The following CDH18 variants were observed in gnomAD, a reference collection of about 807,000 sequenced individuals.
The protein encoded by CDH18 is cadherin 18.
In CDH18, 31 loss-of-function variants were observed where a neutral mutation model predicts 67.9. That is an observed-to-expected ratio of 0.46 (90% confidence interval 0.34 to 0.62). The LOEUF (loss-of-function observed/expected upper bound fraction) is 0.62. Among genes scored for constraint, CDH18 ranks in the 20% least tolerant of loss-of-function variants. The pLI, the probability that CDH18 is intolerant of heterozygous loss-of-function variation, is 0.01. For synonymous variants in CDH18, 362 were observed against 347.2 expected (o/e 1.04, Z -0.48); for missense variants, 890 against 975.5 (o/e 0.91, Z 1.17).
chr5:20,534,360 T>G (rs1756589114), intron 1 of CDH18, among the ~76,000 whole-genome samples: 1 of 152,116 alleles, frequency 6.6e-6, no homozygotes, highest in Non-Finnish European at 1.5e-5. Flanking sequence ...TTTGAATGTC[T>G]TGATATTGCA....
chr5:19,959,222 T>G (rs1186586358), intron 2 of CDH18, among the ~76,000 whole-genome samples: 1 of 152,056 alleles, frequency 6.6e-6, no homozygotes, highest in Non-Finnish European at 1.5e-5. Flanking sequence ...GGGCTTAATA[T>G]TCACATATCT....
At chr5:19,629,060 G>C (rs532669043) in intron 5 of CDH18, among the ~76,000 whole-genome samples, 1 of 152,202 alleles carries the variant, frequency 6.6e-6, no homozygotes, top group South Asian at 2.1e-4. Flanking sequence ...AATGGAGTCA[G>C]AGACATCATA....
chr5:20,047,511 C>T (rs918168012), intron 2 of CDH18, among the ~76,000 whole-genome samples: 1 of 151,808 alleles, frequency 6.6e-6, no homozygotes, highest in African/African-American at 2.4e-5. Context: ...AAGTGCAACA[C>T]ATGTCAGAAA....
At position 19,593,457 on chromosome 5, in the gene CDH18, G is replaced by A. The variant is rs538759555; in HGVS notation, c.812-2213C>T. Among the ~76,000 whole-genome samples, 34 of 152,094 alleles carry A rather than the reference G, an allele frequency of 2.2e-4. No individual in the cohort carries two copies. The South Asian group carries it at 7.0e-3, about 31-fold the overall frequency. The stretch of plus-strand genomic sequence containing the variant: ...CTTTATACGTACCTATTGTCCATTT[G>A]TATGTGTTCTTTAGAGAAACAGCTA... On this transcript the variant is annotated intron_variant, in intron 6 of 12. Coordinates refer to ENST00000382275, the MANE Select transcript of CDH18 (RefSeq NM_004934.5).
rs147470011 is a variant in CDH18 at position 20,343,536 on chromosome 5, C to A, written c.-579-88031G>T. Among the ~76,000 whole-genome samples the A allele has an allele frequency of 1.6e-4, 24 of 152,132 alleles. No individual in the cohort carries two copies. The East Asian group carries it at 4.1e-3, about 26-fold the overall frequency. ...ACCTCAAAGAAACCCCCTTTGATAA[C>A]CCAGACTGGATTCTCTTTACAGATG... On this transcript the variant is annotated intron_variant, in intron 1 of 14. Transcript: ENST00000507958.
At chr5:20,058,661 A>G (rs1274714447) in intron 2 of CDH18, among the ~76,000 whole-genome samples, 1 of 152,180 alleles carries the variant, frequency 6.6e-6, no homozygotes, top group African/African-American at 2.4e-5. Flanking sequence ...TTAAATCAAA[A>G]TACACCTGTG....
At chr5:20,516,043 C>G (rs1755346827) in intron 1 of CDH18, among the ~76,000 whole-genome samples, 1 of 151,840 alleles carries the variant, frequency 6.6e-6, no homozygotes, top group Admixed American at 6.6e-5. Flanking sequence ...CAATAGAACT[C>G]AAAATTATTT....
intron 1 of CDH18, among the ~76,000 whole-genome samples, chr5:20,493,524 A>G (rs1006931464): frequency 2.6e-5 from 4 of 151,968 alleles, no homozygotes; most frequent in Non-Finnish European, 5.9e-5. Flanking sequence ...CATCATTTGC[A>G]TAAGGCAGAC....
At position 19,543,907 on chromosome 5, in the gene CDH18, G is replaced by T; in HGVS notation, c.1352C>A (p.Thr451Asn). The T allele has an allele frequency of 1.3e-6, 2 of 1,590,350 alleles. No homozygotes were observed. The highest frequency in any genetic ancestry group is 8.6e-7 in the Non-Finnish European group (1 of 1,164,248). ...AGTGACTGTGATGTTGTACCATGGA[G>T]TTTCTTCTCTGTCGAGAACCTTTGT... ...RTTKVLDREETPWYNITVTAS... is the reference protein window; with the variant it reads ...RTTKVLDREENPWYNITVTAS... The change falls in exon 9 of 13, where the codon ACT becomes AAT. Residue 451 changes from threonine to asparagine, a missense_variant. Thr to Asn is a moderately conservative substitution (Grantham distance 65). Transcript: ENST00000382275.
chr5:19,801,605 C>T (rs929228169), intron 3 of CDH18, among the ~76,000 whole-genome samples: 1 of 152,134 alleles, frequency 6.6e-6, no homozygotes, highest in Non-Finnish European at 1.5e-5. Flanking sequence ...AGGTTGAAAA[C>T]AACAGACACA....
In CDH18 at chr5:20,387,827, C is replaced by T. The variant is rs1326165301; in HGVS notation, c.-579-132322G>A. ...TTTTCTGCACCTATTGAGATAATCACATGGTTTTTGTCATTGGTTCTGTTT... is the reference window on the plus strand; with the variant it reads ...TTTTCTGCACCTATTGAGATAATCATATGGTTTTTGTCATTGGTTCTGTTT... On this transcript the variant is annotated intron_variant, in intron 1 of 14. Transcript: ENST00000507958. 9.2e-5 allele frequency among the ~76,000 whole-genome samples: 14 copies of T among 151,370 alleles called. No individual in the cohort carries two copies. The Admixed American group carries it at 9.2e-4, about 10-fold the overall frequency.
chr5:19,806,966 T>C (rs1204090605), intron 3 of CDH18, among the ~76,000 whole-genome samples: 2 of 152,248 alleles, frequency 1.3e-5, no homozygotes, highest in Admixed American at 1.3e-4. Flanking sequence ...GACTATATAA[T>C]ATAATACTCT....
At chr5:20,126,255 T>A (rs1276446631) in intron 2 of CDH18, among the ~76,000 whole-genome samples, 3 of 152,186 alleles carry the variant, frequency 2.0e-5, no homozygotes, top group Admixed American at 2.0e-4. Context: ...AAGTGCATAT[T>A]GTGGTGTGAA....
intron 1 of CDH18, among the ~76,000 whole-genome samples, chr5:20,260,479 G>C (rs1182474841): frequency 6.6e-6 from 1 of 152,036 alleles, no homozygotes; most frequent in Non-Finnish European, 1.5e-5. Context: ...ATTTTGATGA[G>C]ATTCTGGATT....
chr5:20,542,174 A>G (rs1703062), intron 1 of CDH18, among the ~76,000 whole-genome samples: 4 of 152,142 alleles, frequency 2.6e-5, no homozygotes, highest in Non-Finnish European at 2.9e-5. Flanking sequence ...CAGTTTTTCC[A>G]TAGTATCTAC....
chr5:19,549,781 GAAGAAAGA>G (rs1293581050), intron 8 of CDH18, among the ~76,000 whole-genome samples: 1 of 119,898 alleles, frequency 8.3e-6, no homozygotes, highest in African/African-American at 3.2e-5. Context: ...AGAAAGAAAG[GAAGAAAGA>G]AAGGAAGAAA....
chr5:19,889,726 A>G (rs1439295399), intron 2 of CDH18, among the ~76,000 whole-genome samples: 1 of 152,068 alleles, frequency 6.6e-6, no homozygotes, highest in African/African-American at 2.4e-5. Context: ...AGATCTAGCA[A>G]TTTATATTAA....
intron 1 of CDH18, among the ~76,000 whole-genome samples, chr5:20,363,584 C>T (rs1458911182): frequency 6.6e-6 from 1 of 151,940 alleles, no homozygotes; most frequent in African/African-American, 2.4e-5. Flanking sequence ...TCCTTTACTC[C>T]CCCTGCTTCT....
chr5:20,419,317 C>T (rs567945341), intron 1 of CDH18, among the ~76,000 whole-genome samples: 37 of 151,974 alleles, frequency 2.4e-4, no homozygotes, highest in Non-Finnish European at 5.0e-4. Flanking sequence ...TTATTAGCAG[C>T]GTGAACACGG....
Sources: gnomAD v4.1 joint callset for allele counts (sites outside exome capture counted in the v4.1 genomes callset) on GRCh38, gnomAD v4.1.1 for gene constraint, MANE v1.5 for transcripts, NCBI Gene and HGNC (gene_info 2026-07-23, HGNC 2026-07-21) for gene names.